MUC12: variants seen among roughly 807,000 people sequenced by gnomAD.
MUC12 encodes the protein mucin-12.
MUC12 carries 172 observed loss-of-function variants against 230.8 expected under a neutral mutation model. The ratio of observed to expected loss-of-function variants is 0.75; its 90% CI spans 0.66 to 0.85. MUC12 has a LOEUF of 0.85. Ranked by LOEUF, MUC12 falls within the 40% of genes least tolerant of loss-of-function variation. The pLI is 0.00. For synonymous variants in MUC12, 1,259 were observed against 2,401.9 expected, an observed-to-expected ratio of 0.52 and a Z score of 13.91; for missense variants, 3,506 against 5,920.6, an observed-to-expected ratio of 0.59 and a Z score of 13.38.
chr7:100,990,525 G>A, intron 1 of MUC12, 106 bp from the exon 2 acceptor site: 1 of 1,364,208 alleles, frequency 7.3e-7, no homozygotes, highest in Admixed American at 2.1e-5. Flanking sequence ...AATACCATGG[G>A]CTGACCAGGT....
chr7:100,995,878 A>G lies in MUC12; in HGVS notation c.5315A>G (p.Tyr1772Cys). The change falls in exon 2 of 12, where the codon TAC becomes TGC. Residue 1772 changes from tyrosine (Y) to cysteine (C), a missense_variant. Tyr to Cys is a radical substitution (Grantham distance 194). Coordinates refer to ENST00000536621, the MANE Select transcript of MUC12 (RefSeq NM_001164462.2). ...GGCCTCGTTGAAGAATCTACGGCGT[A>G]CCACAGCAGCCCGGGCTCAACTCAA... is the stretch of plus-strand genomic sequence containing the variant. ...TSGLVEESTA[Y>C]HSSPGSTQTM... The G allele has an allele frequency of 7.0e-7, 1 of 1,425,218 alleles. No individual in the cohort carries two copies. The highest frequency in any genetic ancestry group is 9.4e-7 in the Non-Finnish European group (1 of 1,063,912). The allele number at this position is 1,425,218 out of a possible 1,614,324, so 88.3% of individuals were successfully genotyped here. A position where few individuals can be genotyped will look rare whatever the true frequency, so the allele number is the denominator to read the frequency against.
chr7:100,971,191 A>C (rs1371287577), intron 1 of MUC12, among the ~76,000 whole-genome samples: 1 of 150,764 alleles, frequency 6.6e-6, no homozygotes, highest in African/African-American at 2.4e-5. Flanking sequence ...CAAAAAAAAA[A>C]CAAACCGTGG....
Position 101,001,177 on chromosome 7 carries a change from C to T in MUC12, c.10614C>T (p.Thr3538=), listed in dbSNP as rs1167513113. 1 of 1,040,158 alleles carries T rather than the reference C, an allele frequency of 9.6e-7. No individual in the cohort carries two copies. The highest frequency in any genetic ancestry group is 1.3e-6 in the Non-Finnish European group (1 of 745,862). The allele number at this position is 1,040,158 out of a possible 1,614,324, so 64.4% of individuals were successfully genotyped here. ...ATACAACACTGTTACCTGCCAGCAC[C>T]ACCACCTCAGGCTCCAGTCAGGAAT... ...STDTTLLPAS[T]TTSGSSQEST... is the part of the protein sequence containing the mutation. The change falls in exon 2 of 12, where the codon ACC becomes ACT. Residue 3538 remains threonine, a synonymous_variant. Coordinates refer to ENST00000536621, the MANE Select transcript of MUC12 (RefSeq NM_001164462.2).
chr7:100,983,161 T>G (rs1793135410), intron 1 of MUC12, among the ~76,000 whole-genome samples: 1 of 151,990 alleles, frequency 6.6e-6, no homozygotes, highest in African/African-American at 2.4e-5. Context: ...GGCTCACACC[T>G]GTAATCCCAG....
At chr7:100,977,902 C>T (rs1793056813) in intron 1 of MUC12, among the ~76,000 whole-genome samples, 1 of 152,116 alleles carries the variant, frequency 6.6e-6, no homozygotes, top group Non-Finnish European at 1.5e-5. Flanking sequence ...CCTGGTGTTC[C>T]TTGGCTTGTG....
chr7:100,969,763 G>C (rs1792811528), intron 1 of MUC12, 74 bp downstream of exon 1: 2 of 1,529,170 alleles, frequency 1.3e-6, no homozygotes, highest in Admixed American at 2.0e-5. Flanking sequence ...GCCTCAGGCA[G>C]CAGGGCTGCA....
chr7:101,018,813 G>A lies in MUC12; in HGVS notation c.*177G>A. 1 of 601,390 alleles carries A rather than the reference G, an allele frequency of 1.7e-6. No individual in the cohort carries two copies. The allele number at this position is 601,390 out of a possible 1,614,324, so 37.3% of individuals were successfully genotyped here. On this transcript the variant is annotated 3_prime_UTR_variant, in exon 12 of 12. Coordinates refer to ENST00000536621, the MANE Select transcript of MUC12 (RefSeq NM_001164462.2). ...GCCTGTGCTCCTGCTGGGGAAGGCT[G>A]GGGGCTGTAAGCCTCTCCATCCGGG... is the stretch of plus-strand genomic sequence containing the variant.
intron 1 of MUC12, chr7:100,981,462 T>G: frequency 1.8e-6 from 1 of 552,918 alleles, no homozygotes; most frequent in Non-Finnish European, 3.2e-6. Flanking sequence ...TCCCACTTAG[T>G]GAGCAGGCAA....
chr7:100,975,653 C>A (rs904496783), intron 1 of MUC12, among the ~76,000 whole-genome samples: 1 of 6,824 alleles, frequency 1.5e-4, no homozygotes. Context: ...GCTGGAGCTA[C>A]GAGAGGGGGC....
intron 1 of MUC12, among the ~76,000 whole-genome samples, chr7:100,975,394 G>A (rs1793010709): frequency 6.6e-6 from 1 of 152,312 alleles, no homozygotes; most frequent in Non-Finnish European, 1.5e-5. Flanking sequence ...AAATTGGGAA[G>A]AGAGTGGTGG....
chr7:101,012,733 GGT>G, intron 6 of MUC12, 84 bp from the exon 7 acceptor site: 1 of 1,413,938 alleles, frequency 7.1e-7, no homozygotes, highest in Non-Finnish European at 9.7e-7. Flanking sequence ...GGGAGGGCAT[GGT>G]ATAGAAGAGA....
chr7:101,013,190 C>T (rs1461599091), intron 8 of MUC12, 48 bp downstream of exon 8: 1 of 1,527,222 alleles, frequency 6.5e-7, no homozygotes, highest in Non-Finnish European at 8.8e-7. Context: ...GGTGATAGGG[C>T]CCTCCCCCTC....
At position 100,991,800 on chromosome 7, in the gene MUC12, C is replaced by T. The variant is rs758304147; in HGVS notation, c.1237C>T (p.His413Tyr). 1.3e-6 allele frequency: 2 copies of T among 1,537,854 alleles called. No individual in the cohort carries two copies. The highest frequency in any genetic ancestry group is 1.4e-5 in the African/African-American group (1 of 73,050). The change falls in exon 2 of 12, where the codon CAC becomes TAC. Residue 413 changes from histidine to tyrosine, a missense_variant. By Grantham distance (83) the His-to-Tyr change is moderately conservative. Transcript: ENST00000536621. ...TTAALAHTSY[H>Y]SSLGSTETTH... Reference sequence around the variant, plus strand: ...AGCTGCCCTAGCACATACAAGCTACCACAGCAGCCTGGGCTCAACTGAAAC... The same window carrying T: ...AGCTGCCCTAGCACATACAAGCTACTACAGCAGCCTGGGCTCAACTGAAAC...
rs555237664 is a variant in MUC12, at chr7:100,989,163, C to T, written c.68-1468C>T. The stretch of plus-strand genomic sequence containing the variant: ...TCACCCAGGCTGGAGTGCAGTGGTG[C>T]GATCTCAGCTCACTGCAACCTCGCA... On this transcript the variant is annotated intron_variant, in intron 1 of 11. Transcript: ENST00000536621. Among the ~76,000 whole-genome samples, 418 of 142,724 alleles carry T rather than the reference C, an allele frequency of 2.9e-3. 1 individual carries two copies. Among genetic ancestry groups the T allele is most frequent in the Admixed American group, 4.7e-3 (65 of 13,782 alleles). The allele number at this position is 142,724 out of a possible 152,430, so 93.6% of individuals were successfully genotyped here. A position where few individuals can be genotyped will look rare whatever the true frequency, so the allele number is the denominator to read the frequency against.
intron 1 of MUC12, among the ~76,000 whole-genome samples, chr7:100,982,087 G>A (rs1195035041): frequency 2.0e-5 from 3 of 151,756 alleles, no homozygotes; most frequent in Admixed American, 6.6e-5. Context: ...GGCTGGTCTC[G>A]AACTCCTGAC....
intron 1 of MUC12, among the ~76,000 whole-genome samples, chr7:100,983,103 T>C (rs1362267081): frequency 6.6e-6 from 1 of 151,960 alleles, no homozygotes; most frequent in African/African-American, 2.4e-5. Context: ...TTATTTATCC[T>C]TAGAACCTTG....
intron 1 of MUC12, among the ~76,000 whole-genome samples, chr7:100,970,661 C>G (rs1029349454): frequency 3.3e-5 from 5 of 152,056 alleles, no homozygotes. Context: ...ATCACGAGGT[C>G]AGGAAATTGA....
At chr7:100,984,495 G>A (rs1230669553) in intron 1 of MUC12, among the ~76,000 whole-genome samples, 2 of 152,138 alleles carry the variant, frequency 1.3e-5, no homozygotes, top group Non-Finnish European at 2.9e-5. Flanking sequence ...GACCTCAGGT[G>A]ATCCTCCTGC....
At chr7:101,010,428 T>C (rs1303055540) in intron 5 of MUC12, among the ~76,000 whole-genome samples, 1 of 151,980 alleles carries the variant, frequency 6.6e-6, no homozygotes, top group Non-Finnish European at 1.5e-5. Flanking sequence ...GCTCAACCTC[T>C]CGGGTTCAAG....
Sources: allele counts gnomAD v4.1 joint callset (sites outside exome capture counted in the v4.1 genomes callset), GRCh38; gene constraint gnomAD v4.1.1; transcripts MANE v1.5; gene names NCBI Gene and HGNC (gene_info 2026-07-23, HGNC 2026-07-21).